The following RIMKLB variants were observed in gnomAD, a reference collection of about 807,000 sequenced individuals.
RIMKLB encodes ribosomal modification protein rimK like family member B.
Under a neutral mutation model 32.0 loss-of-function variants are expected in RIMKLB, and 7 were observed. The ratio of observed to expected loss-of-function variants is 0.22; its 90% CI spans 0.12 to 0.41. The LOEUF (loss-of-function observed/expected upper bound fraction) is 0.41. Among genes scored for constraint, RIMKLB ranks in the 10% least tolerant of loss-of-function variants. RIMKLB has a pLI of 1.00. For synonymous variants in RIMKLB, 172 were observed against 185.1 expected (o/e 0.93, Z 0.57); for missense variants, 289 against 498.7 (o/e 0.58, Z 4.00).
chr12:8,751,173 A>G (rs11047060), intron 3 of RIMKLB, among the ~76,000 whole-genome samples: 3,763 of 152,302 alleles, frequency 0.025, 148 homozygotes, highest in African/African-American at 0.085. Flanking sequence ...TTTTGATTTT[A>G]TGAGAATGGA....
chr12:8,759,726 C>T (rs1051836144), intron 5 of RIMKLB, among the ~76,000 whole-genome samples: 2 of 152,130 alleles, frequency 1.3e-5, no homozygotes, highest in African/African-American at 4.8e-5. Context: ...TCCAGATTCT[C>T]CCCAGTTGAG....
chr12:8,704,346 G>T (rs1209579257), intron 1 of RIMKLB, among the ~76,000 whole-genome samples: 1 of 151,422 alleles, frequency 6.6e-6, no homozygotes, highest in South Asian at 2.1e-4. Context: ...TCACACCATT[G>T]CACTCCAACC....
rs1950731974 is a variant in RIMKLB, at chr12:8,776,461, C to A, written c.*2677C>A. 1 of 794,346 alleles carries A rather than the reference C, an allele frequency of 1.3e-6. No individual in the cohort carries two copies. Among genetic ancestry groups the A allele is most frequent in the Non-Finnish European group, 1.5e-6 (1 of 656,224 alleles). The allele number at this position is 794,346 out of a possible 1,614,324, so 49.2% of individuals were successfully genotyped here. A position where few individuals can be genotyped will look rare whatever the true frequency, so the allele number is the denominator to read the frequency against. On this transcript the variant is annotated 3_prime_UTR_variant, in exon 6 of 6. Coordinates refer to ENST00000535829, the MANE Select transcript of RIMKLB (RefSeq NM_001297776.2). ...TGTTTAATAACTTTTGTATAATCTTCATTGCTATTATGAGAGAGAATGTAT... is the reference window on the plus strand; with the variant it reads ...TGTTTAATAACTTTTGTATAATCTTAATTGCTATTATGAGAGAGAATGTAT...
Position 8,773,538 on chromosome 12 carries a change from C to T in RIMKLB, c.915C>T (p.Ser305=), listed in dbSNP as rs373840680. The change falls in exon 6 of 6, where the codon TCC becomes TCT. Residue 305 remains serine (S), a synonymous_variant. Coordinates refer to ENST00000535829, the MANE Select transcript of RIMKLB (RefSeq NM_001297776.2). ...VAGIIADYAA[S]LLPSGRLTRR... ...GTATCATAGCAGACTATGCCGCCTCCCTTCTACCCTCTGGCCGGCTCACCC... is the reference window on the plus strand; with the variant it reads ...GTATCATAGCAGACTATGCCGCCTCTCTTCTACCCTCTGGCCGGCTCACCC... 2.0e-5 allele frequency: 32 copies of T among 1,614,150 alleles called. No homozygotes were observed. Among genetic ancestry groups the T allele is most frequent in the African/African-American group, 8.0e-5 (6 of 74,952 alleles).
chr12:8,738,074 A>C (rs577748063), intron 2 of RIMKLB, among the ~76,000 whole-genome samples: 129 of 152,160 alleles, frequency 8.5e-4, no homozygotes, highest in Non-Finnish European at 9.0e-4. Flanking sequence ...ATAATCCATT[A>C]CTGTCACTAT....
the RIMKLB span, among the ~76,000 whole-genome samples, chr12:8,670,026 CAAAA>C: frequency 1.4e-4 from 5 of 36,938 alleles, no homozygotes; most frequent in Admixed American, 2.4e-4. Context: ...GACTCCGTCT[CAAAA>C]AAAAAAAAAA....
intron 5 of RIMKLB, among the ~76,000 whole-genome samples, chr12:8,772,915 G>A (rs888421369): frequency 6.6e-6 from 1 of 152,208 alleles, no homozygotes; most frequent in Non-Finnish European, 1.5e-5. Flanking sequence ...TATAGAGGAA[G>A]AAAACTGTGT....
chr12:8,720,991 A>C (rs909310354), intron 2 of RIMKLB, among the ~76,000 whole-genome samples: 4 of 152,240 alleles, frequency 2.6e-5, no homozygotes, highest in African/African-American at 9.6e-5. Flanking sequence ...AAGACTATTT[A>C]AAAACAAAAA....
chr12:8,671,540 G>A, the RIMKLB span, among the ~76,000 whole-genome samples: 1 of 151,818 alleles, frequency 6.6e-6, no homozygotes, highest in Non-Finnish European at 1.5e-5. Flanking sequence ...GTGAGTCACC[G>A]CACCCAGCTG....
chr12:8,679,272 C>G (rs1430664737), upstream of RIMKLB: 1 of 152,222 alleles, frequency 6.6e-6, no homozygotes, highest in African/African-American at 2.4e-5. Context: ...CAACCTCCCC[C>G]TCTCGGTTCA....
intron 2 of RIMKLB, among the ~76,000 whole-genome samples, chr12:8,740,105 C>T (rs142975242): frequency 6.6e-6 from 1 of 152,044 alleles, no homozygotes; most frequent in Non-Finnish European, 1.5e-5. Flanking sequence ...AGGGTTTCAC[C>T]ATGTTGGCCA....
In RIMKLB at chr12:8,774,133, G is replaced by T; in HGVS notation, c.*349G>T. 1 of 1,018,450 alleles carries T rather than the reference G, an allele frequency of 9.8e-7. No individual in the cohort carries two copies. Among genetic ancestry groups the T allele is most frequent in the South Asian group, 4.3e-5 (1 of 23,258 alleles). 63.1% of individuals were successfully genotyped at this position (1,018,450 alleles called of 1,614,324 possible). On this transcript the variant is annotated 3_prime_UTR_variant, in exon 6 of 6. Transcript: ENST00000535829. ...CTTTTGTTTTTGTACAAAAAAAAAT[G>T]GTTTTGCTACAAATATCCAAGTAGC... is the stretch of plus-strand genomic sequence containing the variant.
At chr12:8,688,069 G>A (rs1942630937) in intron 1 of RIMKLB, among the ~76,000 whole-genome samples, 1 of 152,208 alleles carries the variant, frequency 6.6e-6, no homozygotes, top group African/African-American at 2.4e-5. Flanking sequence ...CCTTTCTGCA[G>A]ACATTGTGTC....
rs1324172561 is a variant in RIMKLB at position 8,774,031 on chromosome 12, C to G, written c.*247C>G. Reference sequence around the variant, plus strand: ...GAAAAATGTCAGGCTCTCATAGTTACCCTTTTAAATTGCTAAAAAATGTGT... The same window carrying G: ...GAAAAATGTCAGGCTCTCATAGTTAGCCTTTTAAATTGCTAAAAAATGTGT... On this transcript the variant is annotated 3_prime_UTR_variant, in exon 6 of 6. Transcript: ENST00000535829. 2.3e-6 allele frequency: 3 copies of G among 1,287,562 alleles called. No homozygotes were observed. The highest frequency in any genetic ancestry group is 2.9e-6 in the Non-Finnish European group (3 of 1,018,554). The allele number at this position is 1,287,562 out of a possible 1,614,324, so 79.8% of individuals were successfully genotyped here. A position where few individuals can be genotyped will look rare whatever the true frequency, so the allele number is the denominator to read the frequency against.
chr12:8,737,496 A>G (rs1330782669), intron 2 of RIMKLB, among the ~76,000 whole-genome samples: 1 of 152,174 alleles, frequency 6.6e-6, no homozygotes, highest in Admixed American at 6.6e-5. Context: ...TTTCCTTACT[A>G]TATAGATATA....
intron 5 of RIMKLB, among the ~76,000 whole-genome samples, chr12:8,759,405 A>G (rs1424265966): frequency 6.6e-6 from 1 of 152,130 alleles, no homozygotes; most frequent in East Asian, 1.9e-4. Flanking sequence ...TAAATAATCA[A>G]TCAGATTACT....
chr12:8,740,754 A>G (rs1320747816), intron 2 of RIMKLB, among the ~76,000 whole-genome samples: 2 of 152,190 alleles, frequency 1.3e-5, no homozygotes, highest in Non-Finnish European at 2.9e-5. Flanking sequence ...TTGACCTAAC[A>G]GTGATAACTG....
intron 2 of RIMKLB, among the ~76,000 whole-genome samples, chr12:8,718,653 CTATATATA>C (rs369394381): frequency 4.3e-5 from 6 of 138,432 alleles, no homozygotes; most frequent in African/African-American, 1.5e-4. Context: ...CTCTCTCTCT[CTATATATA>C]TATATATATG....
At chr12:8,697,226 T>G (rs1199037556), upstream of RIMKLB, 1 of 152,236 alleles carries the variant, frequency 6.6e-6, no homozygotes, top group Non-Finnish European at 1.5e-5. Context: ...ACCCCGCCTG[T>G]ATCTCCAAAC....
Sources: allele counts gnomAD v4.1 joint callset (sites outside exome capture counted in the v4.1 genomes callset), GRCh38; gene constraint gnomAD v4.1.1; transcripts MANE v1.5; gene names NCBI Gene and HGNC (gene_info 2026-07-23, HGNC 2026-07-21).